MIDEAS: variants seen among roughly 807,000 people sequenced by gnomAD.
The protein encoded by MIDEAS is mitotic deacetylase associated SANT domain protein, also known as mitotic deacetylase-associated SANT domain protein.
MIDEAS carries 26 observed loss-of-function variants against 102.7 expected under a neutral mutation model. The ratio of observed to expected loss-of-function variants is 0.25; its 90% CI spans 0.19 to 0.35. MIDEAS has a LOEUF of 0.35. Among genes scored for constraint, MIDEAS ranks in the 10% least tolerant of loss-of-function variants. The pLI is 1.00. For synonymous variants in MIDEAS, 585 were observed against 591.0 expected (o/e 0.99, Z 0.15); for missense variants, 1,231 against 1,435.6 (o/e 0.86, Z 2.30).
rs1252257815 is a variant in MIDEAS at position 73,759,325 on chromosome 14, G to C, written c.-248+438C>G. 2.0e-5 allele frequency among the ~76,000 whole-genome samples: 3 copies of C among 151,988 alleles called. No individual in the cohort carries two copies. The highest frequency in any genetic ancestry group is 7.2e-5 in the African/African-American group (3 of 41,410). The stretch of plus-strand genomic sequence containing the variant: ...GCCTTCCGGGCCTGGGCTCCGTCAC[G>C]TCAGCCGGTCCCCACGGACACCACG... On this transcript the variant is annotated intron_variant, in intron 1 of 12. Coordinates refer to ENST00000423556, the MANE Select transcript of MIDEAS (RefSeq NM_001367710.1). The surrounding 1 kb of genome is among the most constrained non-coding windows in gnomAD (Gnocchi z 6.7).
chr14:73,727,584 C>G (rs1267701594), intron 4 of MIDEAS, 60 bp from the exon 5 acceptor site: 1 of 1,490,066 alleles, frequency 6.7e-7, no homozygotes, highest in East Asian at 2.4e-5. Context: ...CACCCCCAAT[C>G]CTAGTGGCTG....
intron 3 of MIDEAS, among the ~76,000 whole-genome samples, chr14:73,730,581 T>G (rs2053125460): frequency 6.6e-6 from 1 of 152,208 alleles, no homozygotes; most frequent in Non-Finnish European, 1.5e-5. Flanking sequence ...CAGTAAATAT[T>G]GGCTGTTATC....
Position 73,739,906 on chromosome 14 carries a change from G to A in MIDEAS, c.103C>T (p.Pro35Ser). The change falls in exon 2 of 13, where the codon CCC becomes TCC. Residue 35 changes from proline to serine, a missense_variant. Around this residue, in one of 5 missense-constraint regions of MIDEAS, gnomAD observed 758 missense variants for 856.0 expected, o/e 0.89. Coordinates refer to ENST00000423556, the MANE Select transcript of MIDEAS (RefSeq NM_001367710.1). ...TCCTTCACTCTGATGGACTGCTGGG[G>A]GGGCTGCAGGGGAGGGGGCTGCTCC... Reference protein sequence around the residue: ...PKEQPPPLQPPQQSIRVKEEQ... With the variant: ...PKEQPPPLQPSQQSIRVKEEQ... 6.5e-7 allele frequency: 1 copy of A among 1,548,390 alleles called. No homozygotes were observed. Among genetic ancestry groups the A allele is most frequent in the Non-Finnish European group, 8.7e-7 (1 of 1,146,724 alleles).
chr14:73,753,700 C>T (rs980099211), intron 1 of MIDEAS, among the ~76,000 whole-genome samples: 4 of 152,148 alleles, frequency 2.6e-5, no homozygotes, highest in African/African-American at 7.2e-5. Context: ...CAGGCAAGGG[C>T]GGGACAGGGA....
Position 73,716,437 on chromosome 14 carries a change from G to A in MIDEAS, c.*2406C>T, listed in dbSNP as rs1003259900. The A allele has an allele frequency of 1.3e-5, 2 of 151,882 alleles. No individual in the cohort carries two copies. Among genetic ancestry groups the A allele is most frequent in the East Asian group, 1.9e-4 (1 of 5,182 alleles). 9.4% of individuals were successfully genotyped at this position (151,882 alleles called of 1,614,324 possible). Reference sequence around the variant, plus strand: ...CGCCTGTAATGCCAGCACTTTGGGAGGCCGAGGCGGGTGGACCACCTGAGG... The same window carrying A: ...CGCCTGTAATGCCAGCACTTTGGGAAGCCGAGGCGGGTGGACCACCTGAGG... On this transcript the variant is annotated 3_prime_UTR_variant, in exon 13 of 13. Transcript: ENST00000423556.
At chr14:73,726,732 G>A in intron 6 of MIDEAS, 25 bp from the exon 7 acceptor site, 4 of 1,613,882 alleles carry the variant, frequency 2.5e-6, no homozygotes, top group Non-Finnish European at 2.5e-6. Context: ...GCATGAGGAG[G>A]GAGGGGAGGA....
In MIDEAS at chr14:73,742,931, G is replaced by A. The variant is rs370747565; in HGVS notation, c.-247-2676C>T. Among the ~76,000 whole-genome samples the A allele has an allele frequency of 1.3e-5, 2 of 152,242 alleles. No homozygotes were observed. The highest frequency in any genetic ancestry group is 1.3e-4 in the Admixed American group (2 of 15,292). On this transcript the variant is annotated intron_variant, in intron 1 of 12. Transcript: ENST00000423556. The surrounding 1 kb of genome is among the most constrained non-coding windows in gnomAD (Gnocchi z 4.4). The stretch of plus-strand genomic sequence containing the variant: ...TGCACCCGTGCCAGGCAGATCCTAC[G>A]TGCTTTATATCCTTTAAATTCCCAC...
chr14:73,787,246 G>A (rs2053823488), exon 1 of MIDEAS: 1 of 148,762 alleles, frequency 6.7e-6, no homozygotes, highest in Admixed American at 6.7e-5. Context: ...TGCGGCCCGG[G>A]CTGTGACCCA....
intron 1 of MIDEAS, among the ~76,000 whole-genome samples, chr14:73,741,615 G>A (rs1443970982): frequency 6.6e-6 from 1 of 152,120 alleles, no homozygotes; most frequent in African/African-American, 2.4e-5. Context: ...CCCACCCCCA[G>A]CACCAGGAAT....
chr14:73,719,157 T>G lies in MIDEAS; in HGVS notation c.3134+148A>C, dbSNP rs2052944697. The G allele has an allele frequency of 8.2e-6, 12 of 1,469,806 alleles. No homozygotes were observed. In the South Asian group the frequency reaches 1.4e-4, roughly 17 times the overall value. The allele number at this position is 1,469,806 out of a possible 1,614,324, so 91.0% of individuals were successfully genotyped here. On this transcript the variant is annotated intron_variant, in intron 12 of 12. Coordinates refer to ENST00000423556, the MANE Select transcript of MIDEAS (RefSeq NM_001367710.1). The stretch of plus-strand genomic sequence containing the variant: ...GCGTCATTTTCCGAAAGCTGCCCCA[T>G]GACGTCACAGCCCTAGAAACCCGCT...
rs186116409 is a variant in MIDEAS at position 73,780,126 on chromosome 14, G to A, written c.-248+6976C>T. Among the ~76,000 whole-genome samples the A allele has an allele frequency of 6.0e-5, 9 of 150,792 alleles. 1 individual carries two copies. Among genetic ancestry groups the A allele is most frequent in the East Asian group, 3.9e-4 (2 of 5,094 alleles). The stretch of plus-strand genomic sequence containing the variant: ...CCCGACCTCATGATCCACCAGCCTC[G>A]GCCTCCCAAAGTGCTGCGATTACAG... On this transcript the variant is annotated intron_variant, in intron 1 of 11. Coordinates refer to the MIDEAS transcript ENST00000394071.
chr14:73,768,337 C>G (rs1361550889), intron 1 of MIDEAS, among the ~76,000 whole-genome samples: 5 of 151,970 alleles, frequency 3.3e-5, no homozygotes, highest in Admixed American at 2.0e-4. Flanking sequence ...ACCTCTGGAC[C>G]CTCTGAAGCT....
intron 4 of MIDEAS, 35 bp downstream of exon 4, chr14:73,729,605 C>T (rs7155001): frequency 0.065 from 100,015 of 1,549,796 alleles, 4,261 homozygotes; most frequent in African/African-American, 0.19. Context: ...GCCCCAGCCC[C>T]GCTCCTGCCA....
At chr14:73,722,940 T>C in intron 9 of MIDEAS, 93 bp from the exon 10 acceptor site, 1 of 1,469,550 alleles carries the variant, frequency 6.8e-7, no homozygotes, top group South Asian at 1.3e-5. Flanking sequence ...ATCTTTCCCT[T>C]AACTTCAAGC....
At chr14:73,744,111 G>T (rs2053318891) in intron 1 of MIDEAS, among the ~76,000 whole-genome samples, 1 of 152,142 alleles carries the variant, frequency 6.6e-6, no homozygotes, top group African/African-American at 2.4e-5. Context: ...CACATGAGGG[G>T]AAGGTGCTGG....
At position 73,738,798 on chromosome 14, in the gene MIDEAS, A is replaced by G. The variant is rs769055718; in HGVS notation, c.1211T>C (p.Leu404Pro). The stretch of plus-strand genomic sequence containing the variant: ...ATCAGGCAGTAGCTGCGACTCCCTC[A>G]GCTCCAGCGGGAATCCCAGAGCTTC... ...HPEALGFPLE[L>P]RESQLLPDGE... The change falls in exon 2 of 13, where the codon CTG (leucine) becomes CCG (proline). Residue 404 changes from leucine to proline, a missense_variant. Leu to Pro is a moderately conservative substitution (Grantham distance 98). Transcript: ENST00000423556. The G allele has an allele frequency of 1.1e-5, 17 of 1,574,946 alleles. No individual in the cohort carries two copies. The highest frequency in any genetic ancestry group is 2.3e-5 in the East Asian group (1 of 44,352).
intron 4 of MIDEAS, chr14:73,728,749 G>A (rs183486027): frequency 1.3e-5 from 2 of 152,364 alleles, no homozygotes; most frequent in Admixed American, 6.5e-5. Context: ...CCTTACGCCC[G>A]AGTGTTCGGT....
chr14:73,738,670 G>T lies in MIDEAS; in HGVS notation c.1339C>A (p.Arg447=), dbSNP rs191518649. The change falls in exon 2 of 13, where the codon CGG becomes AGG. Residue 447 remains arginine (R), a synonymous_variant. Coordinates refer to ENST00000423556, the MANE Select transcript of MIDEAS (RefSeq NM_001367710.1). The part of the protein sequence containing the change: ...VSTGDCGQVL[R]GGVIQSTRRR... Reference sequence around the variant, plus strand: ...CGCGTGCTCTGGATCACTCCGCCCCGTAGCACCTGCCCACAGTCCCCTGTG... The same window carrying T: ...CGCGTGCTCTGGATCACTCCGCCCCTTAGCACCTGCCCACAGTCCCCTGTG... 536 of 1,613,796 alleles carry T rather than the reference G, an allele frequency of 3.3e-4. 2 individuals carry two copies. The East Asian group carries it at 0.011, about 32-fold the overall frequency.
At chr14:73,727,169 G>A in intron 5 of MIDEAS, 197 bp from the exon 6 acceptor site, 1 of 685,216 alleles carries the variant, frequency 1.5e-6, no homozygotes, top group Non-Finnish European at 2.4e-6. Context: ...AGAGGCTGGA[G>A]AGGGGAGAAG....
Sources: allele counts gnomAD v4.1 joint callset (sites outside exome capture counted in the v4.1 genomes callset), GRCh38; gene constraint gnomAD v4.1.1; regional missense constraint gnomAD v4.1.1; non-coding constraint Gnocchi (gnomAD v3.1); transcripts MANE v1.5; gene names NCBI Gene and HGNC (gene_info 2026-07-23, HGNC 2026-07-21).